The following DFFB variants were observed in gnomAD, a reference collection of about 807,000 sequenced individuals.
The protein encoded by DFFB is DNA fragmentation factor subunit beta.
A neutral mutation model predicts 32.7 loss-of-function variants in DFFB; 29 were observed. The observed-to-expected ratio is 0.89, with a 90% CI of 0.66 to 1.21. The LOEUF (loss-of-function observed/expected upper bound fraction) is 1.21. DFFB is among the 50% of genes most tolerant of loss of function. The pLI is 0.00. For synonymous variants in DFFB, 170 were observed against 177.1 expected (o/e 0.96, Z 0.32); for missense variants, 398 against 440.6 (o/e 0.90, Z 0.87).
rs541022219 is a variant in DFFB, at chr1:3,881,376, C to T, written c.783-2131C>T. On this transcript the variant is annotated intron_variant, in intron 6 of 6. Coordinates refer to ENST00000378209, the MANE Select transcript of DFFB (RefSeq NM_004402.4). ...CCCTTCCTCTTGCCCAAGCCCCGGG[C>T]TCCACTCAAGCTTTTCTATCCCCCT... 2.6e-5 allele frequency among the ~76,000 whole-genome samples: 4 copies of T among 152,352 alleles called. No homozygotes were observed. In the East Asian group the frequency reaches 7.7e-4, roughly 29 times the overall value.
At position 3,884,200 on chromosome 1, in the gene DFFB, C is replaced by G. The variant is rs553431694; in HGVS notation, c.*459C>G. 1 of 192,920 alleles carries G rather than the reference C, an allele frequency of 5.2e-6. No individual in the cohort carries two copies. The highest frequency in any genetic ancestry group is 5.3e-5 in the Admixed American group (1 of 18,794). The allele number at this position is 192,920 out of a possible 1,614,324, so 12.0% of individuals were successfully genotyped here. On this transcript the variant is annotated 3_prime_UTR_variant, in exon 7 of 7. Transcript: ENST00000378209. ...CGCCCAGCCTGAATCATTTCTTATA[C>G]CTTCTGACAGCCCAACTTCCAGAGG...
At chr1:3,860,178 T>A (rs566057017) in intron 2 of DFFB, among the ~76,000 whole-genome samples, 20 of 152,318 alleles carry the variant, frequency 1.3e-4, no homozygotes, top group African/African-American at 4.1e-4. Flanking sequence ...TCCTCCTACT[T>A]TGGCTTCCCA....
chr1:3,885,394 A>C lies in DFFB; in HGVS notation c.*1653A>C, dbSNP rs577789247. On this transcript the variant is annotated 3_prime_UTR_variant, in exon 7 of 7. Transcript: ENST00000378209. The stretch of plus-strand genomic sequence containing the variant: ...ATTTGAATTTTTACATTTGTTGTAC[A>C]ATCAGGAAAAGCAATAAAGATTTTT... 1 of 152,334 alleles carries C rather than the reference A, an allele frequency of 6.6e-6. No individual in the cohort carries two copies. Among genetic ancestry groups the C allele is most frequent in the Non-Finnish European group, 1.5e-5 (1 of 68,036 alleles). 9.4% of individuals were successfully genotyped at this position (152,334 alleles called of 1,614,324 possible).
intron 4 of DFFB, 145 bp from the exon 5 acceptor site, chr1:3,869,460 A>G (rs1645065864): frequency 3.8e-6 from 3 of 796,480 alleles, no homozygotes; most frequent in East Asian, 5.3e-5. Flanking sequence ...GCAGTGGCCG[A>G]GAGGCCACGT....
intron 6 of DFFB, among the ~76,000 whole-genome samples, chr1:3,874,613 C>A (rs1346761005): frequency 8.8e-6 from 1 of 113,536 alleles, no homozygotes; most frequent in African/African-American, 3.7e-5. Context: ...CTTTACCACA[C>A]GCGTGTGGGT....
Position 3,861,330 on chromosome 1 carries a change from T to C in DFFB, c.241+2486T>C, listed in dbSNP as rs550542451. On this transcript the variant is annotated intron_variant, in intron 2 of 6. Coordinates refer to ENST00000378209, the MANE Select transcript of DFFB (RefSeq NM_004402.4). ...CATGGTTTGGTTTTACCACAGTTTG[T>C]TCAACCATTCGCCTGTGGAAAGATA... Among the ~76,000 whole-genome samples the C allele has an allele frequency of 1.3e-4, 20 of 152,316 alleles. 1 individual carries two copies. In the South Asian group the frequency reaches 3.9e-3, roughly 30 times the overall value.
chr1:3,871,017 G>T (rs1645101795), intron 5 of DFFB, among the ~76,000 whole-genome samples: 1 of 152,238 alleles, frequency 6.6e-6, no homozygotes. Context: ...AGGCAGCCCT[G>T]CCTCTGCATT....
intron 4 of DFFB, 106 bp from the exon 5 acceptor site, chr1:3,869,499 G>C (rs990586265): frequency 1.2e-5 from 15 of 1,211,668 alleles, no homozygotes; most frequent in Admixed American, 2.2e-5. Context: ...CACAGGACTG[G>C]GCTTGGGCAG....
rs1488258673 is a variant in DFFB, at chr1:3,866,085, T to C, written c.430+85T>C. 4.3e-6 allele frequency: 5 copies of C among 1,176,452 alleles called. No individual in the cohort carries two copies. The Admixed American group carries it at 8.2e-5, about 19-fold the overall frequency. The allele number at this position is 1,176,452 out of a possible 1,614,324, so 72.9% of individuals were successfully genotyped here. On this transcript the variant is annotated intron_variant, in intron 3 of 6. Coordinates refer to ENST00000378209, the MANE Select transcript of DFFB (RefSeq NM_004402.4). ...AAGTTGGATTCCAAAAAGCCCCCAG[T>C]GAAGGGCTGGCCTGTACCCTCGTGG...
intron 2 of DFFB, among the ~76,000 whole-genome samples, chr1:3,864,701 A>AT (rs902305262): frequency 2.7e-5 from 4 of 150,522 alleles, no homozygotes; most frequent in Non-Finnish European, 5.9e-5. Context: ...AATTATTATG[A>AT]TTTTTTTTAG....
At chr1:3,868,319 C>G (rs1006296208) in intron 4 of DFFB, among the ~76,000 whole-genome samples, 2 of 152,032 alleles carry the variant, frequency 1.3e-5, no homozygotes, top group Non-Finnish European at 2.9e-5. Flanking sequence ...CTGCCTGCCT[C>G]CCCTCCTCTC....
intron 6 of DFFB, among the ~76,000 whole-genome samples, chr1:3,875,656 G>A (rs1454341303): frequency 1.3e-5 from 2 of 152,102 alleles, no homozygotes; most frequent in Non-Finnish European, 2.9e-5. Flanking sequence ...CCACGTCTGT[G>A]GCCGCTTGTG....
In DFFB at chr1:3,872,582, C is replaced by CATGTA. The variant is rs779412170; in HGVS notation, c.782+11_782+12insTGTAA. On this transcript the variant is annotated intron_variant, in intron 6 of 6. Coordinates refer to ENST00000378209, the MANE Select transcript of DFFB (RefSeq NM_004402.4). The stretch of plus-strand genomic sequence containing the variant: ...GGAACCTGGATCACATGTAAGCTCA[C>CATGTA]AGAGCGAGGTTCAGACCCACGAGTG... The CATGTA allele has an allele frequency of 6.2e-7, 1 of 1,610,118 alleles. No homozygotes were observed. The highest frequency in any genetic ancestry group is 1.4e-5 in the African/African-American group (1 of 73,032).
chr1:3,877,147 CTT>C (rs1471505345), intron 6 of DFFB, among the ~76,000 whole-genome samples: 3 of 152,196 alleles, frequency 2.0e-5, no homozygotes, highest in African/African-American at 7.2e-5. Flanking sequence ...TCACAGCTGT[CTT>C]TGGCCGTCTT....
In DFFB at chr1:3,883,525, C is replaced by A; in HGVS notation, c.801C>A (p.Thr267=). The A allele has an allele frequency of 6.2e-7, 1 of 1,614,116 alleles. No individual in the cohort carries two copies. The highest frequency in any genetic ancestry group is 8.5e-7 in the Non-Finnish European group (1 of 1,180,024). ...NLDHIIEKKR[T]IIPTLVEAIK... ...TTTGCAGAATAGAAAAGAAACGCAC[C>A]ATCATTCCTACACTGGTGGAAGCAA... is the stretch of plus-strand genomic sequence containing the variant. The change falls in exon 7 of 7, where the codon ACC becomes ACA. Residue 267 remains threonine (T), a synonymous_variant. Coordinates refer to ENST00000378209, the MANE Select transcript of DFFB (RefSeq NM_004402.4).
chr1:3,866,207 T>C (rs953424804), intron 3 of DFFB: 8 of 692,312 alleles, frequency 1.2e-5, no homozygotes, highest in Admixed American at 8.1e-5. Flanking sequence ...GGGGCCAGAG[T>C]CCAGGGCAGC....
At chr1:3,863,295 C>A (rs1012148212) in intron 2 of DFFB, among the ~76,000 whole-genome samples, 2 of 152,190 alleles carry the variant, frequency 1.3e-5, no homozygotes, top group African/African-American at 4.8e-5. Context: ...TGCTTGAGAT[C>A]ATCAGTCGTC....
intron 5 of DFFB, among the ~76,000 whole-genome samples, chr1:3,871,341 C>T (rs1645109046): frequency 6.6e-6 from 1 of 152,164 alleles, no homozygotes; most frequent in African/African-American, 2.4e-5. Context: ...AGCTGGAATG[C>T]AGTGGTGCGA....
chr1:3,865,292 C>T lies in DFFB; in HGVS notation c.242-520C>T, dbSNP rs114371433. Among the ~76,000 whole-genome samples the T allele has an allele frequency of 5.4e-3, 829 of 152,278 alleles. 7 individuals are homozygous for T. The highest frequency in any genetic ancestry group is 0.019 in the African/African-American group (772 of 41,570). ...GATTTGCAGGTGTGAACCAGCCTTG[C>T]GTTCCCACTTGGCCGTGGTGATATT... On this transcript the variant is annotated intron_variant, in intron 2 of 6. Coordinates refer to ENST00000378209, the MANE Select transcript of DFFB (RefSeq NM_004402.4). This position sits in a 1 kb window ranked among gnomAD's most constrained non-coding sequence, Gnocchi z 4.7.
Sources: allele counts gnomAD v4.1 joint callset (sites outside exome capture counted in the v4.1 genomes callset), GRCh38; gene constraint gnomAD v4.1.1; non-coding constraint Gnocchi (gnomAD v3.1); transcripts MANE v1.5; gene names NCBI Gene and HGNC (gene_info 2026-07-23, HGNC 2026-07-21).